Variants in CACNA1B observed in about 807,000 individuals in gnomAD.
CACNA1B encodes calcium voltage-gated channel subunit alpha1 B.
A neutral mutation model predicts 247.2 loss-of-function variants in CACNA1B; 70 were observed. The ratio of observed to expected loss-of-function variants is 0.28; its 90% CI spans 0.23 to 0.35. The LOEUF is 0.35. Ranked by LOEUF, CACNA1B falls within the 10% of genes least tolerant of loss-of-function variation. The pLI, the probability that CACNA1B is intolerant of heterozygous loss-of-function variation, is 1.00. For missense variants in CACNA1B, 2,367 were observed against 3,197.4 expected (o/e 0.74, Z 6.26); for synonymous variants, 1,231 against 1,294.4 (o/e 0.95, Z 1.05).
intron 6 of CACNA1B, among the ~76,000 whole-genome samples, chr9:137,931,880 G>A (rs916886754): frequency 2.6e-5 from 4 of 152,104 alleles, no homozygotes; most frequent in Non-Finnish European, 5.9e-5. Context: ...GTGATGGGCC[G>A]GCTAGAGGAA....
At chr9:138,080,150 G>A (rs1363231299) in intron 36 of CACNA1B, among the ~76,000 whole-genome samples, 1 of 152,198 alleles carries the variant, frequency 6.6e-6, no homozygotes, top group African/African-American at 2.4e-5. Flanking sequence ...CAGTACAAGG[G>A]TAGAAAAGTG....
rs779928498 is a variant in CACNA1B, at chr9:138,120,295, A to G, written c.6161A>G (p.His2054Arg). Residue 2054 changes from histidine (H) to arginine (R), a missense_variant, in exon 45 of 47, where the codon CAC (histidine) becomes CGC (arginine). This residue lies in a region of CACNA1B where 773 missense variants were observed against 779.4 expected (regional missense o/e 0.99). Transcript: ENST00000371372. ...PSQASSHHHH[H>R]RCHRRRDRKQ... Reference sequence around the variant, plus strand: ...CAGGCGTCGTCGCACCACCACCACCACCGCTGCCACCGCCGCAGGGACAGG... The same window carrying G: ...CAGGCGTCGTCGCACCACCACCACCGCCGCTGCCACCGCCGCAGGGACAGG... 4 of 1,560,102 alleles carry G rather than the reference A, an allele frequency of 2.6e-6. No homozygotes were observed. The highest frequency in any genetic ancestry group is 3.5e-6 in the Non-Finnish European group (4 of 1,155,416).
intron 19 of CACNA1B, among the ~76,000 whole-genome samples, chr9:138,024,256 G>A (rs1170880153): frequency 1.3e-5 from 2 of 152,186 alleles, no homozygotes; most frequent in Non-Finnish European, 2.9e-5. Context: ...GTGGGGGCCA[G>A]GCTGTGTGAC....
rs1959630664 is a variant in CACNA1B, at chr9:138,059,297, A to G, written c.4584+108A>G. 2.9e-6 allele frequency: 2 copies of G among 692,308 alleles called. No individual in the cohort carries two copies. Among genetic ancestry groups the G allele is most frequent in the Admixed American group, 4.2e-5 (2 of 47,768 alleles). The allele number at this position is 692,308 out of a possible 1,614,324, so 42.9% of individuals were successfully genotyped here. A position where few individuals can be genotyped will look rare whatever the true frequency, so the allele number is the denominator to read the frequency against. On this transcript the variant is annotated intron_variant, in intron 30 of 46. Coordinates refer to ENST00000371372, the MANE Select transcript of CACNA1B (RefSeq NM_000718.4). The surrounding 1 kb of genome is among the most constrained non-coding windows in gnomAD (Gnocchi z 4.2). ...ATTTGGAGCTGGGAATTCTCCGAGT[A>G]CCCAGAGTATATGTAATGCTACAGG...
At chr9:137,926,920 G>C (rs1310944553) in intron 6 of CACNA1B, among the ~76,000 whole-genome samples, 1 of 152,116 alleles carries the variant, frequency 6.6e-6, no homozygotes, top group Non-Finnish European at 1.5e-5. Flanking sequence ...GGCATTCTCT[G>C]TATATTCTGA....
At chr9:137,967,694 G>GTCTC (rs60187913) in intron 10 of CACNA1B, among the ~76,000 whole-genome samples, 12,489 of 152,046 alleles carry the variant, frequency 0.082, 832 homozygotes, top group African/African-American at 0.17. Context: ...CACTGCAAGT[G>GTCTC]TCTCTCTCTC....
In CACNA1B at chr9:138,049,631, C is replaced by T. The variant is rs561888896; in HGVS notation, c.3710+316C>T. ...CTGGTGCGGCCGGTGGCTCTGGGACCGGGCGGCACAGCCTCTGGTGTGTCC... is the reference window on the plus strand; with the variant it reads ...CTGGTGCGGCCGGTGGCTCTGGGACTGGGCGGCACAGCCTCTGGTGTGTCC... On this transcript the variant is annotated intron_variant, in intron 24 of 46. Coordinates refer to ENST00000371372, the MANE Select transcript of CACNA1B (RefSeq NM_000718.4). Among the ~76,000 whole-genome samples the T allele has an allele frequency of 5.3e-5, 8 of 152,276 alleles. No individual in the cohort carries two copies. The South Asian group carries it at 1.0e-3, about 20-fold the overall frequency.
intron 6 of CACNA1B, among the ~76,000 whole-genome samples, chr9:137,923,730 C>T (rs1013321203): frequency 1.3e-5 from 2 of 152,130 alleles, no homozygotes; most frequent in Non-Finnish European, 2.9e-5. Context: ...CAAAGCTTTT[C>T]CAGAGGGCTA....
intron 36 of CACNA1B, among the ~76,000 whole-genome samples, chr9:138,089,243 A>C (rs925885383): frequency 1.3e-5 from 2 of 152,204 alleles, no homozygotes; most frequent in African/African-American, 4.8e-5. Flanking sequence ...ATGATCGTAG[A>C]TGGAAAAATT....
chr9:138,070,798 T>A (rs930217527), intron 32 of CACNA1B, among the ~76,000 whole-genome samples: 1 of 152,206 alleles, frequency 6.6e-6, no homozygotes, highest in South Asian at 2.1e-4. Context: ...CCACCACACA[T>A]CCACACCTGA....
intron 36 of CACNA1B, among the ~76,000 whole-genome samples, chr9:138,084,219 T>C (rs1163303905): frequency 6.6e-6 from 1 of 150,984 alleles, no homozygotes; most frequent in Non-Finnish European, 1.5e-5. Context: ...CCACAATAAG[T>C]TCATGAGATT....
intron 3 of CACNA1B, among the ~76,000 whole-genome samples, chr9:137,903,689 A>T (rs770074363): frequency 6.6e-6 from 1 of 152,160 alleles, no homozygotes; most frequent in African/African-American, 2.4e-5. Flanking sequence ...TTTAGAAATA[A>T]ATATATATTC....
At position 138,023,525 on chromosome 9, in the gene CACNA1B, G is replaced by T; in HGVS notation, c.2782G>T (p.Ala928Ser). ...HHRRGSPEEAAEREPRRHRAH... is the reference protein window; with the variant it reads ...HHRRGSPEEASEREPRRHRAH... ...CCGGCGCGGCTCCCCGGAGGAGGCGGCCGAGCGGGAGCCCCGACGCCACCG... is the reference window on the plus strand; with the variant it reads ...CCGGCGCGGCTCCCCGGAGGAGGCGTCCGAGCGGGAGCCCCGACGCCACCG... Residue 928 changes from alanine (A) to serine (S), a missense_variant, in exon 19 of 47, where the codon GCC becomes TCC. Transcript: ENST00000371372. 9.3e-7 allele frequency: 1 copy of T among 1,076,562 alleles called. No homozygotes were observed. Among genetic ancestry groups the T allele is most frequent in the Non-Finnish European group, 1.1e-6 (1 of 889,646 alleles). The allele number at this position is 1,076,562 out of a possible 1,614,324, so 66.7% of individuals were successfully genotyped here.
At chr9:138,015,573 G>A (rs1195172375) in intron 18 of CACNA1B, among the ~76,000 whole-genome samples, 1 of 152,228 alleles carries the variant, frequency 6.6e-6, no homozygotes, top group Non-Finnish European at 1.5e-5. Context: ...TCACCCTTCT[G>A]CCCCCAACAG....
rs75459203 is a variant in CACNA1B, at chr9:137,990,741, G to A, written c.1974+3887G>A. Among the ~76,000 whole-genome samples, 8,869 of 152,186 alleles carry A rather than the reference G, an allele frequency of 0.058. 366 individuals carry two copies. The highest frequency in any genetic ancestry group is 0.11 in the African/African-American group (4,735 of 41,502). ...CCCACCAGAGCAGGTGCTGGTATCC[G>A]CACCTGAAAGACCTGAAGATGGATC... On this transcript the variant is annotated intron_variant, in intron 15 of 46. Coordinates refer to ENST00000371372, the MANE Select transcript of CACNA1B (RefSeq NM_000718.4). The surrounding 1 kb of genome is among the most constrained non-coding windows in gnomAD (Gnocchi z 4.5).
At chr9:137,995,443 C>G (rs987486537) in intron 15 of CACNA1B, among the ~76,000 whole-genome samples, 1 of 152,140 alleles carries the variant, frequency 6.6e-6, no homozygotes, top group Non-Finnish European at 1.5e-5. Context: ...AAAGGACACC[C>G]TATTCAACAA....
intron 18 of CACNA1B, among the ~76,000 whole-genome samples, chr9:138,022,746 C>A (rs927771452): frequency 2.0e-5 from 3 of 152,090 alleles, no homozygotes; most frequent in African/African-American, 7.2e-5. Flanking sequence ...CCTCCTTGAG[C>A]CCCCCAGGGT....
chr9:137,877,794 G>T lies in CACNA1B; in HGVS notation c.-140G>T, dbSNP rs1238309956. 9 of 304,882 alleles carry T rather than the reference G, an allele frequency of 3.0e-5. No individual in the cohort carries two copies. In the South Asian group the frequency reaches 8.0e-4, roughly 27 times the overall value. The allele number at this position is 304,882 out of a possible 1,614,324, so 18.9% of individuals were successfully genotyped here. A position where few individuals can be genotyped will look rare whatever the true frequency, so the allele number is the denominator to read the frequency against. On this transcript the variant is annotated 5_prime_UTR_variant, in exon 1 of 47. Coordinates refer to ENST00000371372, the MANE Select transcript of CACNA1B (RefSeq NM_000718.4). ...GGGCCGCGGAGTCGGGTGAGGCGGC[G>T]GCGGCTGCGGCGGTGGGGCCGGGCG...
rs961546090 is a variant in CACNA1B, at chr9:138,012,012, C to T, written c.2161-1117C>T. On this transcript the variant is annotated intron_variant, in intron 17 of 46. Transcript: ENST00000371372. This position sits in a 1 kb window ranked among gnomAD's most constrained non-coding sequence, Gnocchi z 4.2. ...AACTATTGATCCGGAACCCAGGTGCCGAGCATGTTGGTCTTGTTTAGTGAC... is the reference window on the plus strand; with the variant it reads ...AACTATTGATCCGGAACCCAGGTGCTGAGCATGTTGGTCTTGTTTAGTGAC... Among the ~76,000 whole-genome samples the T allele has an allele frequency of 5.9e-5, 9 of 152,130 alleles. No individual in the cohort carries two copies. The highest frequency in any genetic ancestry group is 8.8e-5 in the Non-Finnish European group (6 of 68,020).
Sources: gnomAD v4.1 joint callset for allele counts (sites outside exome capture counted in the v4.1 genomes callset) on GRCh38, gnomAD v4.1.1 for gene constraint, gnomAD v4.1.1 regional missense constraint, Gnocchi (gnomAD v3.1) non-coding constraint, MANE v1.5 for transcripts, NCBI Gene and HGNC (gene_info 2026-07-23, HGNC 2026-07-21) for gene names.